Variants in CCDC192 observed in about 807,000 individuals in gnomAD.
CCDC192 encodes coiled-coil domain containing 192.
At chr5:127,727,373 G>A (rs1310730587) in intron 2 of CCDC192, among the ~76,000 whole-genome samples, 1 of 152,114 alleles carries the variant, frequency 6.6e-6, no homozygotes, top group African/African-American at 2.4e-5. Context: ...TCAGGAGGCT[G>A]AAGCAGGAGA....
At chr5:127,779,149 T>C (rs1037429548) in intron 3 of CCDC192, among the ~76,000 whole-genome samples, 15 of 152,326 alleles carry the variant, frequency 9.8e-5, no homozygotes, top group African/African-American at 3.1e-4. Flanking sequence ...CTTCCTTTTG[T>C]TGGCTTGTTG....
At chr5:127,705,030 C>G (rs1350392254) in intron 1 of CCDC192, among the ~76,000 whole-genome samples, 3 of 148,382 alleles carry the variant, frequency 2.0e-5, no homozygotes, top group Non-Finnish European at 4.5e-5. Context: ...AATGCCGTAT[C>G]ATTACTCCCT....
At chr5:127,780,882 T>A (rs1756176942) in intron 3 of CCDC192, among the ~76,000 whole-genome samples, 1 of 152,236 alleles carries the variant, frequency 6.6e-6, no homozygotes, top group African/African-American at 2.4e-5. Flanking sequence ...GGGTTCTTGG[T>A]CATGAAATCC....
At chr5:127,738,926 G>T (rs1440071197) in intron 2 of CCDC192, among the ~76,000 whole-genome samples, 1 of 151,734 alleles carries the variant, frequency 6.6e-6, no homozygotes, top group Non-Finnish European at 1.5e-5. Flanking sequence ...TCTTCCCTCA[G>T]CTCGTCAAAG....
intron 5 of CCDC192, among the ~76,000 whole-genome samples, chr5:127,825,745 G>A (rs1381192789): frequency 6.6e-6 from 1 of 152,154 alleles, no homozygotes; most frequent in Non-Finnish European, 1.5e-5. Context: ...TTAAATAGAA[G>A]ATGAATGATT....
intron 6 of CCDC192, among the ~76,000 whole-genome samples, chr5:127,890,870 C>G (rs1001198562): frequency 6.6e-6 from 1 of 152,218 alleles, no homozygotes; most frequent in Non-Finnish European, 1.5e-5. Flanking sequence ...CTGTTCTCCA[C>G]TGCTACCTGG....
At chr5:127,881,223 T>C (rs1752340591) in intron 6 of CCDC192, among the ~76,000 whole-genome samples, 1 of 152,156 alleles carries the variant, frequency 6.6e-6, no homozygotes, top group South Asian at 2.1e-4. Flanking sequence ...AAGTGATACA[T>C]GGTCACCTAC....
Position 127,884,632 on chromosome 5 carries a change from C to T in CCDC192, c.535+8971C>T, listed in dbSNP as rs1449192000. The stretch of plus-strand genomic sequence containing the variant: ...TGCGGCCAAGGCAATGGGATATTAT[C>T]CTGGACCACACCTGAGTCATGTGCC... On this transcript the variant is annotated intron_variant, in intron 6 of 6. Coordinates refer to ENST00000514853, the MANE Select transcript of CCDC192 (RefSeq NM_001317938.2). Among the ~76,000 whole-genome samples, 3 of 152,082 alleles carry T rather than the reference C, an allele frequency of 2.0e-5. No homozygotes were observed. The East Asian group carries it at 5.8e-4, about 29-fold the overall frequency.
chr5:127,907,741 G>T (rs1305262357), intron 6 of CCDC192, among the ~76,000 whole-genome samples: 1 of 152,128 alleles, frequency 6.6e-6, no homozygotes, highest in Non-Finnish European at 1.5e-5. Context: ...CACATAACAA[G>T]ATTTATTATT....
chr5:127,719,430 T>C (rs11954547), intron 2 of CCDC192, among the ~76,000 whole-genome samples: 3,894 of 142,100 alleles, frequency 0.027, 191 homozygotes, highest in African/African-American at 0.092. Context: ...TATATATATA[T>C]ACACACACAT....
chr5:127,755,656 T>A (rs1580603697), intron 3 of CCDC192, among the ~76,000 whole-genome samples: 4 of 124,980 alleles, frequency 3.2e-5, no homozygotes, highest in Admixed American at 8.6e-5. Context: ...AACGTAATGA[T>A]AAACATAAGG....
chr5:127,930,316 G>A (rs898758703), intron 6 of CCDC192, among the ~76,000 whole-genome samples: 1 of 152,200 alleles, frequency 6.6e-6, no homozygotes, highest in Admixed American at 6.5e-5. Context: ...AGTCCATACT[G>A]ATTCATTTTC....
In CCDC192 at chr5:127,754,415, G is replaced by A. The variant is rs993821808; in HGVS notation, c.222+40G>A. 2.0e-5 allele frequency: 8 copies of A among 396,650 alleles called. No homozygotes were observed. In the Admixed American group the frequency reaches 2.7e-4, roughly 13 times the overall value. 24.6% of individuals were successfully genotyped at this position (396,650 alleles called of 1,614,324 possible). ...GGGAACTGGAAACAAATGTTCCTCA[G>A]TGTGCAGCATGGCAAGTGTAAATGT... On this transcript the variant is annotated intron_variant, in intron 3 of 6. Coordinates refer to ENST00000514853, the MANE Select transcript of CCDC192 (RefSeq NM_001317938.2).
chr5:127,764,337 A>G (rs1283540271), intron 3 of CCDC192, among the ~76,000 whole-genome samples: 4 of 152,220 alleles, frequency 2.6e-5, no homozygotes, highest in Non-Finnish European at 5.9e-5. Context: ...GAGAAGACAG[A>G]GACAAGATAT....
intron 5 of CCDC192, among the ~76,000 whole-genome samples, chr5:127,853,031 A>G (rs572757633): frequency 6.6e-6 from 1 of 152,236 alleles, no homozygotes; most frequent in South Asian, 2.1e-4. Context: ...CGGAGCTTGC[A>G]GTGAGCTGAG....
At chr5:127,824,816 T>G (rs1749448137) in intron 5 of CCDC192, among the ~76,000 whole-genome samples, 1 of 152,116 alleles carries the variant, frequency 6.6e-6, no homozygotes, top group African/African-American at 2.4e-5. Flanking sequence ...ATTCAGGAAG[T>G]CACAGAGCTC....
chr5:127,828,130 C>T (rs1002527990), intron 5 of CCDC192, among the ~76,000 whole-genome samples: 1 of 152,210 alleles, frequency 6.6e-6, no homozygotes, highest in African/African-American at 2.4e-5. Context: ...TGGTCTCAAA[C>T]TCCTGACCGC....
At chr5:127,812,542 CA>C (rs764724702) in intron 5 of CCDC192, among the ~76,000 whole-genome samples, 4 of 152,236 alleles carry the variant, frequency 2.6e-5, no homozygotes, top group Non-Finnish European at 5.9e-5. Context: ...TGTTTAAAAG[CA>C]TATATTTTTT....
chr5:127,793,323 G>GGA (rs1484304742), intron 3 of CCDC192, among the ~76,000 whole-genome samples: 1 of 152,130 alleles, frequency 6.6e-6, no homozygotes, highest in Non-Finnish European at 1.5e-5. Flanking sequence ...TGTTACAAAA[G>GGA]GAGAGGAAAT....
Sources: allele counts gnomAD v4.1 joint callset (sites outside exome capture counted in the v4.1 genomes callset), GRCh38; gene constraint gnomAD v4.1.1; transcripts MANE v1.5; gene names NCBI Gene and HGNC (gene_info 2026-07-23, HGNC 2026-07-21).